The following ARHGEF3 variants were observed in gnomAD, a reference collection of about 807,000 sequenced individuals.
ARHGEF3 encodes the protein Rho guanine nucleotide exchange factor 3.
In ARHGEF3, 28 loss-of-function variants were observed where a neutral mutation model predicts 63.2. The ratio of observed to expected loss-of-function variants is 0.44; its 90% CI spans 0.33 to 0.61. The LOEUF (loss-of-function observed/expected upper bound fraction) is 0.61, where lower values mean the gene tolerates loss of function less well. Ranked by LOEUF, ARHGEF3 falls within the 20% of genes least tolerant of loss-of-function variation. ARHGEF3 has a pLI of 0.03. For synonymous variants in ARHGEF3, 266 were observed against 254.2 expected, an observed-to-expected ratio of 1.05 and a Z score of -0.44; for missense variants, 533 against 659.3, an observed-to-expected ratio of 0.81 and a Z score of 2.10.
intron 5 of ARHGEF3, 26 bp from the exon 6 acceptor site, chr3:56,751,158 T>C (rs1334081352): frequency 1.9e-6 from 3 of 1,611,108 alleles, no homozygotes; most frequent in Admixed American, 3.3e-5. Flanking sequence ...CAGATGCTTA[T>C]TTGTTAGGCA....
chr3:56,938,351 T>C (rs961378309), intron 3 of ARHGEF3, among the ~76,000 whole-genome samples: 4 of 152,214 alleles, frequency 2.6e-5, no homozygotes, highest in Admixed American at 6.5e-5. Context: ...TTAATGATTA[T>C]TAGTTTTTAG....
intron 4 of ARHGEF3, among the ~76,000 whole-genome samples, chr3:56,849,629 A>G (rs1414829473): frequency 6.6e-6 from 1 of 151,560 alleles, no homozygotes; most frequent in East Asian, 1.9e-4. Context: ...TGCCAACCCT[A>G]GTAGCCCAAA....
At chr3:57,014,728 T>G (rs1311368377) in intron 2 of ARHGEF3, among the ~76,000 whole-genome samples, 1 of 151,676 alleles carries the variant, frequency 6.6e-6, no homozygotes, top group Non-Finnish European at 1.5e-5. Context: ...TCACCCAGGC[T>G]GGAGTGCAGT....
chr3:56,802,354 CA>C (rs2037702919), upstream of ARHGEF3, among the ~76,000 whole-genome samples: 1 of 152,136 alleles, frequency 6.6e-6, no homozygotes, highest in South Asian at 2.1e-4. Context: ...TTTAAAAGCC[CA>C]CATTAGAAAG....
chr3:56,775,987 TTTC>T (rs1333656812), intron 1 of ARHGEF3, among the ~76,000 whole-genome samples: 2 of 152,104 alleles, frequency 1.3e-5, no homozygotes, highest in Non-Finnish European at 2.9e-5. Flanking sequence ...AGTCTTTCTC[TTTC>T]TCTCTCTCTT....
At chr3:56,803,652 A>G (rs2037758676), upstream of ARHGEF3, among the ~76,000 whole-genome samples, 1 of 151,806 alleles carries the variant, frequency 6.6e-6, no homozygotes, top group South Asian at 2.1e-4. Context: ...AAAATTTAAA[A>G]ATTAGCCAGG....
At chr3:56,861,865 G>GTTTT (rs10707315) in intron 4 of ARHGEF3, among the ~76,000 whole-genome samples, 4 of 141,770 alleles carry the variant, frequency 2.8e-5, no homozygotes, top group African/African-American at 1.0e-4. Flanking sequence ...TAACCTGTTG[G>GTTTT]TTTTTTTTTT....
At chr3:56,792,028 C>T (rs1428218760) in intron 1 of ARHGEF3, among the ~76,000 whole-genome samples, 2 of 149,040 alleles carry the variant, frequency 1.3e-5, no homozygotes, top group East Asian at 4.0e-4. Context: ...ATCGCTTGAA[C>T]CCAGGAGGCA....
chr3:56,921,512 G>A (rs530037301), intron 3 of ARHGEF3, among the ~76,000 whole-genome samples: 1 of 151,136 alleles, frequency 6.6e-6, no homozygotes, highest in African/African-American at 2.4e-5. Flanking sequence ...TCAAATTAGA[G>A]CCTGAGAGTT....
rs149388218 is a variant in ARHGEF3, at chr3:56,916,125, C to T, written c.130-33771G>A. On this transcript the variant is annotated intron_variant, in intron 3 of 12. Coordinates refer to the ARHGEF3 transcript ENST00000338458. ...CCACACAGTGCTCTTCTGATTCATA[C>T]GAAAGTGAGGCGGGAATCTGGCTCC... 1.0e-3 allele frequency among the ~76,000 whole-genome samples: 153 copies of T among 152,278 alleles called. 5 individuals carry two copies. The South Asian group carries it at 0.025, about 25-fold the overall frequency.
intron 1 of ARHGEF3, among the ~76,000 whole-genome samples, chr3:56,793,775 T>C (rs959435866): frequency 6.6e-6 from 1 of 152,238 alleles, no homozygotes; most frequent in Admixed American, 6.5e-5. Context: ...AATGAATATC[T>C]TAGGGTATTT....
chr3:56,757,014 C>T lies in ARHGEF3; in HGVS notation c.205-1863G>A, dbSNP rs191677446. On this transcript the variant is annotated intron_variant, in intron 2 of 9. Coordinates refer to ENST00000296315, the MANE Select transcript of ARHGEF3 (RefSeq NM_019555.3). ...ATAATTATTGGTCACCTGCTCTTAA[C>T]TAGAAACTTCCTGAGGTCAGGAATT... Among the ~76,000 whole-genome samples, 8 of 152,332 alleles carry T rather than the reference C, an allele frequency of 5.3e-5. No individual in the cohort carries two copies. The East Asian group carries it at 1.5e-3, about 29-fold the overall frequency.
At chr3:56,803,888 CT>C (rs113834830), upstream of ARHGEF3, among the ~76,000 whole-genome samples, 79,501 of 143,576 alleles carry the variant, frequency 0.55, 22,228 homozygotes, top group Non-Finnish European at 0.61. Context: ...TATTTTCTTT[CT>C]TTTTTTTTTT....
At chr3:56,971,616 C>T (rs1700914715) in intron 2 of ARHGEF3, among the ~76,000 whole-genome samples, 1 of 151,398 alleles carries the variant, frequency 6.6e-6, no homozygotes, top group African/African-American at 2.4e-5. Context: ...CTTTGGGAGG[C>T]CGAGGTGGGT....
chr3:56,858,913 C>T (rs1180689997), intron 4 of ARHGEF3, among the ~76,000 whole-genome samples: 1 of 152,108 alleles, frequency 6.6e-6, no homozygotes, highest in Non-Finnish European at 1.5e-5. Context: ...TTACTTGTTT[C>T]TGTGTTATAT....
intron 2 of ARHGEF3, among the ~76,000 whole-genome samples, chr3:56,991,931 A>G (rs1398252232): frequency 1.3e-5 from 2 of 151,976 alleles, no homozygotes; most frequent in Non-Finnish European, 2.9e-5. Context: ...CCAGTTTTAT[A>G]TCTGAGTTTG....
chr3:56,751,451 T>C (rs973936596), intron 4 of ARHGEF3, 55 bp from the exon 5 acceptor site: 13 of 1,484,282 alleles, frequency 8.8e-6, no homozygotes, highest in South Asian at 4.6e-5. Context: ...AGGAAGTACA[T>C]TGTTCATGTA....
chr3:56,781,356 C>T (rs1482984838), intron 1 of ARHGEF3, among the ~76,000 whole-genome samples: 1 of 152,028 alleles, frequency 6.6e-6, no homozygotes, highest in Non-Finnish European at 1.5e-5. Flanking sequence ...AAGCGATTCT[C>T]CTGCCTCAGC....
intron 4 of ARHGEF3, among the ~76,000 whole-genome samples, chr3:56,848,787 C>T (rs969710782): frequency 4.6e-5 from 7 of 152,206 alleles, no homozygotes; most frequent in African/African-American, 1.7e-4. Flanking sequence ...CCTGCCTCAG[C>T]TTCCCGAGTA....
Sources: gnomAD v4.1 joint callset for allele counts (sites outside exome capture counted in the v4.1 genomes callset) on GRCh38, gnomAD v4.1.1 for gene constraint, MANE v1.5 for transcripts, NCBI Gene and HGNC (gene_info 2026-07-23, HGNC 2026-07-21) for gene names.